Variants in KTN1 observed in about 807,000 individuals in gnomAD.
The protein encoded by KTN1 is kinectin 1.
KTN1 carries 130 observed loss-of-function variants against 222.5 expected under a neutral mutation model. That is an observed-to-expected ratio of 0.58 (90% CI 0.51 to 0.68). KTN1 has a LOEUF of 0.68. Ranked by LOEUF, KTN1 falls within the 30% of genes least tolerant of loss-of-function variation. The pLI, the probability that KTN1 is intolerant of heterozygous loss-of-function variation, is 0.00. For synonymous variants in KTN1, 512 were observed against 496.3 expected, an observed-to-expected ratio of 1.03 and a Z score of -0.42; for missense variants, 1,508 against 1,500.4, an observed-to-expected ratio of 1.01 and a Z score of -0.08.
At chr14:55,645,612 C>A (rs1299972040) in intron 18 of KTN1, among the ~76,000 whole-genome samples, 1 of 152,156 alleles carries the variant, frequency 6.6e-6, no homozygotes, top group African/African-American at 2.4e-5. Flanking sequence ...AGGCTTAATG[C>A]ATGATTTGTT....
chr14:55,634,511 A>G lies in KTN1; in HGVS notation c.1329-15A>G, dbSNP rs576544947. 1.8e-5 allele frequency: 28 copies of G among 1,595,648 alleles called. No homozygotes were observed. The highest frequency in any genetic ancestry group is 2.3e-5 in the Non-Finnish European group (27 of 1,173,926). ...TGTAATAACGGAAGGCTCCTAATCC[A>G]GTTACTGTTTTCAGGCAGTCTGCAG... On this transcript the variant is annotated splice_polypyrimidine_tract_variant and intron_variant, in intron 8 of 43. Transcript: ENST00000395314.
intron 1 of KTN1, among the ~76,000 whole-genome samples, chr14:55,607,980 T>C (rs1303944997): frequency 1.3e-5 from 2 of 152,240 alleles, no homozygotes; most frequent in Admixed American, 1.3e-4. Context: ...ATTTCTTCCA[T>C]GTGTGAAAGA....
At position 55,646,463 on chromosome 14, in the gene KTN1, T is replaced by C. The variant is rs1431252978; in HGVS notation, c.2173-510T>C. ...TTCCTTTTCCTTTTCCTTTTCCTTT[T>C]CCTTTCCTTTCCTTTCCTTTCCTTT... On this transcript the variant is annotated intron_variant, in intron 18 of 43. Coordinates refer to ENST00000395314, the MANE Select transcript of KTN1 (RefSeq NM_001079521.2). 2.9e-3 allele frequency among the ~76,000 whole-genome samples: 65 copies of C among 22,148 alleles called. 1 individual carries two copies. The highest frequency in any genetic ancestry group is 0.012 in the South Asian group (6 of 510). 14.5% of individuals were successfully genotyped at this position (22,148 alleles called of 152,430 possible).
At chr14:55,652,544 G>GCC (rs1566803761) in intron 25 of KTN1, among the ~76,000 whole-genome samples, 20 of 151,858 alleles carry the variant, frequency 1.3e-4, no homozygotes, top group Non-Finnish European at 2.4e-4. Flanking sequence ...GACTACAGGC[G>GCC]CGTACCACCA....
chr14:55,654,191 G>A (rs188464569), intron 28 of KTN1, among the ~76,000 whole-genome samples: 75 of 152,016 alleles, frequency 4.9e-4, no homozygotes, highest in African/African-American at 1.7e-3. Flanking sequence ...GGTGGGAAAG[G>A]GTATCTGGAC....
Position 55,634,159 on chromosome 14 carries a change from A to T in KTN1, c.1329-367A>T, listed in dbSNP as rs542721890. The stretch of plus-strand genomic sequence containing the variant: ...AAAAAAAAAAGACACTTTCCTTGTG[A>T]TAGTGATTGGCTCTGAGGCCATACT... On this transcript the variant is annotated intron_variant, in intron 8 of 43. Transcript: ENST00000395314. Among the ~76,000 whole-genome samples the T allele has an allele frequency of 2.5e-3, 373 of 152,212 alleles. 3 individuals carry two copies. Among genetic ancestry groups the T allele is most frequent in the African/African-American group, 8.7e-3 (361 of 41,542 alleles).
chr14:55,649,567 G>C (rs987851241), intron 21 of KTN1, among the ~76,000 whole-genome samples: 5 of 151,858 alleles, frequency 3.3e-5, no homozygotes, highest in African/African-American at 1.2e-4. Context: ...TTTTCTTTTG[G>C]CATATTTATA....
intron 5 of KTN1, among the ~76,000 whole-genome samples, chr14:55,626,565 C>T (rs1267872153): frequency 6.6e-6 from 1 of 151,818 alleles, no homozygotes; most frequent in Non-Finnish European, 1.5e-5. Context: ...TTTTTGGTAT[C>T]GTGTATAGAT....
chr14:55,639,816 CT>C lies in KTN1; in HGVS notation c.1824-96del. On this transcript the variant is annotated intron_variant, in intron 13 of 43. Transcript: ENST00000395314. ...TATAGAAATGGAAGGTATATGAGAA[CT>C]ACTGAAGTAAGGATGATGCTTTTTA... The C allele has an allele frequency of 4.0e-6, 3 of 755,830 alleles. No individual in the cohort carries two copies. In the South Asian group the frequency reaches 4.9e-5, roughly 12 times the overall value. The allele number at this position is 755,830 out of a possible 1,614,324, so 46.8% of individuals were successfully genotyped here.
chr14:55,632,370 A>T (rs191745380), intron 7 of KTN1, among the ~76,000 whole-genome samples: 9,165 of 152,262 alleles, frequency 0.06, 378 homozygotes, highest in South Asian at 0.089. Context: ...TTCCCTTAAT[A>T]AGCAACAGTT....
At chr14:55,608,265 G>A (rs2037031091) in intron 1 of KTN1, among the ~76,000 whole-genome samples, 1 of 152,068 alleles carries the variant, frequency 6.6e-6, no homozygotes, top group South Asian at 2.1e-4. Context: ...TGGGTAAAAT[G>A]TGAATTTGAG....
At chr14:55,621,687 A>C (rs1026495993) in intron 5 of KTN1, among the ~76,000 whole-genome samples, 5 of 152,130 alleles carry the variant, frequency 3.3e-5, no homozygotes, top group African/African-American at 1.2e-4. Flanking sequence ...GCACGTGGGA[A>C]TTATAGGAGC....
intron 28 of KTN1, among the ~76,000 whole-genome samples, chr14:55,655,674 T>A (rs1204531892): frequency 2.6e-5 from 4 of 152,208 alleles, no homozygotes; most frequent in Non-Finnish European, 5.9e-5. Context: ...ATCTCTTCAG[T>A]ACAAAGGTTA....
Position 55,671,603 on chromosome 14 carries a change from A to G in KTN1, c.3386A>G (p.His1129Arg). ...EHKLKEADEMHTLLQLECEKY... is the reference protein window; with the variant it reads ...EHKLKEADEMRTLLQLECEKY... ...AAGTTGAAAGAAGCTGATGAAATGCACACATTGTTACAGCTAGAGTGTGAA... is the reference window on the plus strand; with the variant it reads ...AAGTTGAAAGAAGCTGATGAAATGCGCACATTGTTACAGCTAGAGTGTGAA... The change falls in exon 36 of 44, where the codon CAC becomes CGC. Residue 1129 changes from histidine to arginine, a missense_variant. By Grantham distance (29) the His-to-Arg change is conservative. Coordinates refer to ENST00000395314, the MANE Select transcript of KTN1 (RefSeq NM_001079521.2). The G allele has an allele frequency of 6.2e-7, 1 of 1,612,988 alleles. No homozygotes were observed. The highest frequency in any genetic ancestry group is 8.5e-7 in the Non-Finnish European group (1 of 1,179,560).
chr14:55,679,857 T>C (rs1379530392), intron 43 of KTN1, 172 bp downstream of exon 43: 2 of 668,666 alleles, frequency 3.0e-6, no homozygotes, highest in Non-Finnish European at 5.0e-6. Flanking sequence ...ATTTTGTGCA[T>C]ATCTTGAAGG....
chr14:55,682,977 T>C (rs2046501714), intron 43 of KTN1: 2 of 152,180 alleles, frequency 1.3e-5, no homozygotes, highest in South Asian at 2.1e-4. Flanking sequence ...CCAGAAGAAA[T>C]GGAGGTGAAG....
Position 55,650,561 on chromosome 14 carries a change from T to C in KTN1, c.2497-8T>C. 6.2e-7 allele frequency: 1 copy of C among 1,607,626 alleles called. No homozygotes were observed. Among genetic ancestry groups the C allele is most frequent in the Non-Finnish European group, 8.5e-7 (1 of 1,174,668 alleles). ...TTGTCCAATCTTGTCTGTTTTGTCA[T>C]TGTCAAGGATTTGAAACAGGAAATA... On this transcript the variant is annotated splice_polypyrimidine_tract_variant and splice_region_variant and intron_variant, in intron 23 of 43. Coordinates refer to ENST00000395314, the MANE Select transcript of KTN1 (RefSeq NM_001079521.2).
intron 2 of KTN1, among the ~76,000 whole-genome samples, chr14:55,612,801 C>A (rs1480219693): frequency 6.6e-6 from 1 of 151,918 alleles, no homozygotes; most frequent in Non-Finnish European, 1.5e-5. Context: ...GCCTGTAATC[C>A]TAGCACATTG....
Position 55,618,103 on chromosome 14 carries a change from G to A in KTN1, c.801G>A (p.Gly267=). The A allele has an allele frequency of 6.2e-7, 1 of 1,611,840 alleles. No homozygotes were observed. Among genetic ancestry groups the A allele is most frequent in the Non-Finnish European group, 8.5e-7 (1 of 1,179,118 alleles). Reference sequence around the variant, plus strand: ...AAGTAGAAGGGATCCAGAAATCTGGGACTAAAAAACTGAAGACCGAAACTG... The same window carrying A: ...AAGTAGAAGGGATCCAGAAATCTGGAACTAAAAAACTGAAGACCGAAACTG... ...PDQVEGIQKS[G]TKKLKTETDK... The change falls in exon 4 of 44, where the codon GGG becomes GGA. Residue 267 remains glycine (G), a synonymous_variant. Coordinates refer to ENST00000395314, the MANE Select transcript of KTN1 (RefSeq NM_001079521.2).
Sources: allele counts gnomAD v4.1 joint callset (sites outside exome capture counted in the v4.1 genomes callset), GRCh38; gene constraint gnomAD v4.1.1; transcripts MANE v1.5; gene names NCBI Gene and HGNC (gene_info 2026-07-23, HGNC 2026-07-21).